The following KIRREL3 variants were observed in gnomAD, a reference collection of about 807,000 sequenced individuals.
KIRREL3 encodes kirre like nephrin family adhesion molecule 3.
A neutral mutation model predicts 89.7 loss-of-function variants in KIRREL3; 36 were observed. The ratio of observed to expected loss-of-function variants is 0.40; its 90% CI spans 0.31 to 0.53. The LOEUF (loss-of-function observed/expected upper bound fraction) is 0.53, where lower values mean the gene tolerates loss of function less well. Ranked by LOEUF, KIRREL3 falls within the 20% of genes least tolerant of loss-of-function variation. KIRREL3 has a pLI of 0.49. For missense variants in KIRREL3, 864 were observed against 1,056.6 expected (o/e 0.82, Z 2.53); for synonymous variants, 445 against 441.4 (o/e 1.01, Z -0.10).
intron 12 of KIRREL3, among the ~76,000 whole-genome samples, chr11:126,436,051 T>G (rs1955319963): frequency 6.6e-6 from 1 of 152,204 alleles, no homozygotes; most frequent in Non-Finnish European, 1.5e-5. Flanking sequence ...CCCCATCCTG[T>G]TGTCTGTGCC....
At position 126,429,190 on chromosome 11, in the gene KIRREL3, T is replaced by C. The variant is rs1327233012; in HGVS notation, c.1795A>G (p.Lys599Glu). ...GREGEEHSTI[K>E]QLMMDRGEFQ... is the part of the protein sequence containing the mutation. ...AATTGCATTCTTACCATCAGCTGCT[T>C]GATGGTGGAGTGCTCCTCACCCTCC... Residue 599 changes from lysine (K) to glutamate (E), a missense_variant, in exon 15 of 17, where the codon AAG becomes GAG. Transcript: ENST00000525144. The surrounding 1 kb of genome is among the most constrained non-coding windows in gnomAD (Gnocchi z 5.2). 1.2e-6 allele frequency: 2 copies of C among 1,609,704 alleles called. No individual in the cohort carries two copies. Among genetic ancestry groups the C allele is most frequent in the African/African-American group, 1.3e-5 (1 of 74,878 alleles).
At position 126,739,368 on chromosome 11, in the gene KIRREL3, A is replaced by G. The variant is rs1175474693; in HGVS notation, c.56-176456T>C. On this transcript the variant is annotated intron_variant, in intron 1 of 16. Coordinates refer to ENST00000525144, the MANE Select transcript of KIRREL3 (RefSeq NM_032531.4). The surrounding 1 kb of genome is among the most constrained non-coding windows in gnomAD (Gnocchi z 5.5). ...CCCTTGTGTAGGAGGCTGGGTAGAC[A>G]TTACTAAATTACTTTCACTTTACAG... Among the ~76,000 whole-genome samples the G allele has an allele frequency of 6.6e-6, 1 of 152,228 alleles. No individual in the cohort carries two copies. Among genetic ancestry groups the G allele is most frequent in the Non-Finnish European group, 1.5e-5 (1 of 68,044 alleles).
chr11:126,549,149 TAC>T lies in KIRREL3; in HGVS notation c.133+13684_133+13685del, dbSNP rs750746936. ...ATTGCTCTATTTGTCCCACACTCGG[TAC>T]ACAGTTACTGAAACTGTCACCGTGT... On this transcript the variant is annotated intron_variant, in intron 2 of 16. Coordinates refer to ENST00000525144, the MANE Select transcript of KIRREL3 (RefSeq NM_032531.4). 6.6e-5 allele frequency: 10 copies of T among 152,324 alleles called. No homozygotes were observed. In the South Asian group the frequency reaches 8.3e-4, roughly 13 times the overall value. 9.4% of individuals were successfully genotyped at this position (152,324 alleles called of 1,614,324 possible).
intron 1 of KIRREL3, among the ~76,000 whole-genome samples, chr11:126,881,541 TA>T (rs1307094413): frequency 6.6e-6 from 1 of 152,154 alleles, no homozygotes; most frequent in Admixed American, 6.5e-5. Flanking sequence ...TTAATGCAAT[TA>T]AAAAAATCAT....
intron 1 of KIRREL3, among the ~76,000 whole-genome samples, chr11:126,775,630 G>A (rs1012466994): frequency 6.6e-6 from 1 of 152,102 alleles, no homozygotes; most frequent in Non-Finnish European, 1.5e-5. Flanking sequence ...TAGCATTCCC[G>A]GTGCATAGTA....
rs1033271017 is a variant in KIRREL3 at position 126,795,796 on chromosome 11, C to G, written c.55+204659G>C. Among the ~76,000 whole-genome samples the G allele has an allele frequency of 6.6e-6, 1 of 152,126 alleles. No homozygotes were observed. Among genetic ancestry groups the G allele is most frequent in the Non-Finnish European group, 1.5e-5 (1 of 68,036 alleles). On this transcript the variant is annotated intron_variant, in intron 1 of 16. Transcript: ENST00000525144. This position sits in a 1 kb window ranked among gnomAD's most constrained non-coding sequence, Gnocchi z 4.1. ...AGAATTACAGAGCCACTTCAACCAC[C>G]AGTTCTTCTTCCCCCTGTGCACCCC... is the stretch of plus-strand genomic sequence containing the variant.
At chr11:126,746,198 A>T (rs994836607) in intron 1 of KIRREL3, among the ~76,000 whole-genome samples, 1 of 152,206 alleles carries the variant, frequency 6.6e-6, no homozygotes, top group Non-Finnish European at 1.5e-5. Flanking sequence ...TTGAAAAGAA[A>T]TTTCTATGTG....
In KIRREL3 at chr11:126,778,551, A is replaced by G. The variant is rs1365055904; in HGVS notation, c.56-215639T>C. The stretch of plus-strand genomic sequence containing the variant: ...TGCTATAACAACAATGCTGCGGTAA[A>G]TACCCTTTTACTGAAATCTTTGCAC... On this transcript the variant is annotated intron_variant, in intron 1 of 16. Coordinates refer to ENST00000525144, the MANE Select transcript of KIRREL3 (RefSeq NM_032531.4). This position sits in a 1 kb window ranked among gnomAD's most constrained non-coding sequence, Gnocchi z 4.5. Among the ~76,000 whole-genome samples the G allele has an allele frequency of 6.6e-6, 1 of 152,242 alleles. No individual in the cohort carries two copies. The highest frequency in any genetic ancestry group is 1.5e-5 in the Non-Finnish European group (1 of 68,038).
Position 126,744,248 on chromosome 11 carries a change from T to C in KIRREL3, c.56-181336A>G, listed in dbSNP as rs1487030290. Among the ~76,000 whole-genome samples, 1 of 151,708 alleles carries C rather than the reference T, an allele frequency of 6.6e-6. No homozygotes were observed. Among genetic ancestry groups the C allele is most frequent in the African/African-American group, 2.4e-5 (1 of 41,272 alleles). On this transcript the variant is annotated intron_variant, in intron 1 of 16. Transcript: ENST00000525144. The surrounding 1 kb of genome is among the most constrained non-coding windows in gnomAD (Gnocchi z 4.7). The stretch of plus-strand genomic sequence containing the variant: ...CTTCTGAAACACACAACTTTTTTTT[T>C]TTTTATGGGTGGAAAGCCTTTGATA...
At chr11:126,660,994 A>G (rs1267031339) in intron 1 of KIRREL3, among the ~76,000 whole-genome samples, 1 of 152,208 alleles carries the variant, frequency 6.6e-6, no homozygotes, top group South Asian at 2.1e-4. Context: ...GTCTTTACAG[A>G]AACCTAGTCT....
intron 7 of KIRREL3, among the ~76,000 whole-genome samples, chr11:126,449,631 G>A (rs767882317): frequency 2.0e-5 from 3 of 152,064 alleles, no homozygotes; most frequent in South Asian, 2.1e-4. Context: ...ACGTGTGCAC[G>A]AGCACACACA....
intron 1 of KIRREL3, among the ~76,000 whole-genome samples, chr11:126,846,312 A>T (rs1163601046): frequency 1.3e-5 from 2 of 152,178 alleles, no homozygotes; most frequent in African/African-American, 4.8e-5. Flanking sequence ...AAAATCTTAC[A>T]ACTACTGGAT....
At position 126,622,481 on chromosome 11, in the gene KIRREL3, A is replaced by G. The variant is rs1943612717; in HGVS notation, c.56-59569T>C. On this transcript the variant is annotated intron_variant, in intron 1 of 16. Coordinates refer to ENST00000525144, the MANE Select transcript of KIRREL3 (RefSeq NM_032531.4). This position sits in a 1 kb window ranked among gnomAD's most constrained non-coding sequence, Gnocchi z 5.2. ...CCTTCCCTGCAGCAATTGTGTCCCA[A>G]GATCTGACACACTCTTATCAGGGCC... 6.6e-6 allele frequency among the ~76,000 whole-genome samples: 1 copy of G among 152,138 alleles called. No homozygotes were observed.
chr11:126,466,152 G>A (rs373507384), intron 5 of KIRREL3, among the ~76,000 whole-genome samples: 1 of 152,174 alleles, frequency 6.6e-6, no homozygotes, highest in Admixed American at 6.5e-5. Flanking sequence ...GTGCTCCTCC[G>A]CCTCGGAATG....
intron 4 of KIRREL3, among the ~76,000 whole-genome samples, chr11:126,518,407 G>T (rs1033430302): frequency 6.6e-6 from 1 of 152,162 alleles, no homozygotes; most frequent in Non-Finnish European, 1.5e-5. Flanking sequence ...GACCCCCGGG[G>T]GCCTCCCTCT....
intron 1 of KIRREL3, among the ~76,000 whole-genome samples, chr11:126,838,620 T>A (rs1943855720): frequency 6.6e-6 from 1 of 152,244 alleles, no homozygotes; most frequent in Non-Finnish European, 1.5e-5. Flanking sequence ...GCATGGAGTA[T>A]GAGTTCAAGG....
At chr11:126,973,884 A>G (rs1160057167) in intron 1 of KIRREL3, among the ~76,000 whole-genome samples, 2 of 152,124 alleles carry the variant, frequency 1.3e-5, no homozygotes, top group Non-Finnish European at 2.9e-5. Context: ...CTGGGAATAT[A>G]GCAATTTATG....
chr11:126,644,506 C>T (rs1833398631), intron 1 of KIRREL3, among the ~76,000 whole-genome samples: 1 of 152,120 alleles, frequency 6.6e-6, no homozygotes, highest in South Asian at 2.1e-4. Context: ...ACTGCTGGGA[C>T]CTGAGGAGGT....
At chr11:126,915,013 C>T (rs925404941) in intron 1 of KIRREL3, among the ~76,000 whole-genome samples, 5 of 152,278 alleles carry the variant, frequency 3.3e-5, no homozygotes, top group Non-Finnish European at 7.4e-5. Context: ...TAAAAACCAA[C>T]GCTCTTTAAT....
Sources: allele counts gnomAD v4.1 joint callset (sites outside exome capture counted in the v4.1 genomes callset), GRCh38; gene constraint gnomAD v4.1.1; non-coding constraint Gnocchi (gnomAD v3.1); transcripts MANE v1.5; gene names NCBI Gene and HGNC (gene_info 2026-07-23, HGNC 2026-07-21).